PRKAR2A: variants seen among roughly 807,000 people sequenced by gnomAD.
PRKAR2A encodes the protein cAMP-dependent protein kinase type II-alpha regulatory subunit.
Under a neutral mutation model 51.9 loss-of-function variants are expected in PRKAR2A, and 29 were observed. The observed-to-expected ratio is 0.56, with a 90% CI of 0.42 to 0.76. PRKAR2A has a LOEUF of 0.76. Ranked by LOEUF, PRKAR2A falls within the 30% of genes least tolerant of loss-of-function variation. The pLI, the probability that PRKAR2A is intolerant of heterozygous loss-of-function variation, is 0.00. For missense variants in PRKAR2A, 445 were observed against 512.1 expected (o/e 0.87, Z 1.26); for synonymous variants, 178 against 186.2 (o/e 0.96, Z 0.36).
At chr3:48,822,087 C>A (rs933793252) in intron 1 of PRKAR2A, among the ~76,000 whole-genome samples, 1 of 151,072 alleles carries the variant, frequency 6.6e-6, no homozygotes, top group South Asian at 2.1e-4. Context: ...GGCGCATGCC[C>A]GTAATCCCAG....
chr3:48,819,007 C>CT lies in PRKAR2A; in HGVS notation c.263-11324dup, dbSNP rs900424792. ...CTGCCACGTATACCCTGTTCAAACA[C>CT]TTTTTTTTTTTTGAGACAGAGTTTC... On this transcript the variant is annotated intron_variant, in intron 1 of 10. Coordinates refer to ENST00000265563, the MANE Select transcript of PRKAR2A (RefSeq NM_004157.4). Among the ~76,000 whole-genome samples the CT allele has an allele frequency of 8.2e-3, 1,203 of 146,186 alleles. 7 individuals carry two copies. Among genetic ancestry groups the CT allele is most frequent in the Non-Finnish European group, 0.012 (813 of 66,028 alleles).
chr3:48,794,822 G>A (rs1229194289), intron 2 of PRKAR2A, among the ~76,000 whole-genome samples: 5 of 152,102 alleles, frequency 3.3e-5, no homozygotes, highest in African/African-American at 9.7e-5. Flanking sequence ...AGCTAAGAAT[G>A]GAGGGAAAAT....
intron 1 of PRKAR2A, among the ~76,000 whole-genome samples, chr3:48,837,310 TAAG>T (rs1020983569): frequency 1.9e-4 from 29 of 152,054 alleles, no homozygotes; most frequent in African/African-American, 6.5e-4. Context: ...TCTTAAAAAA[TAAG>T]AAGAAATGCA....
intron 1 of PRKAR2A, among the ~76,000 whole-genome samples, chr3:48,845,764 C>T (rs1194526610): frequency 6.6e-6 from 1 of 152,072 alleles, no homozygotes; most frequent in Admixed American, 6.6e-5. Flanking sequence ...CTGGGCAACA[C>T]AGGGAGACCC....
Position 48,790,610 on chromosome 3 carries a change from A to G in PRKAR2A, c.369T>C (p.Thr123=). 1 of 1,493,216 alleles carries G rather than the reference A, an allele frequency of 6.7e-7. No homozygotes were observed. The highest frequency in any genetic ancestry group is 1.4e-5 in the South Asian group (1 of 69,100). 92.5% of individuals were successfully genotyped at this position (1,493,216 alleles called of 1,614,324 possible). ...CCTGAAGTCTGCATCTCTGTTCATC[A>G]GTTTTAGGATGAATCACCTGCCAAT... ...DTDPRVIHPK[T]DEQRCRLQEA... is the part of the protein sequence containing the mutation. The change falls in exon 4 of 11, where the codon ACT becomes ACC. Residue 123 remains threonine (T), a synonymous_variant. Transcript: ENST00000265563.
chr3:48,815,082 T>A (rs1045871651), intron 1 of PRKAR2A, among the ~76,000 whole-genome samples: 1 of 151,884 alleles, frequency 6.6e-6, no homozygotes, highest in African/African-American at 2.4e-5. Flanking sequence ...CCTGGCTAAT[T>A]TTTGTATTTT....
At chr3:48,745,379 A>G (rs1046272266), downstream of PRKAR2A, among the ~76,000 whole-genome samples, 3 of 152,100 alleles carry the variant, frequency 2.0e-5, no homozygotes, top group African/African-American at 7.2e-5. Flanking sequence ...CAAGGGATAT[A>G]CAGGATACCC....
rs199753996 is a variant in PRKAR2A, at chr3:48,779,780, A to AAAATAAAT, written c.542+3198_542+3205dup. On this transcript the variant is annotated intron_variant, in intron 5 of 10. Coordinates refer to ENST00000265563, the MANE Select transcript of PRKAR2A (RefSeq NM_004157.4). ...GAGCAACAGAGCAAGACTCCGTCTCAAAATAAATAAATAAATAAATAAATA... is the reference window on the plus strand; with the variant it reads ...GAGCAACAGAGCAAGACTCCGTCTCAAAATAAATAAATAAATAAATAAATAAATAAATA... 1.6e-3 allele frequency among the ~76,000 whole-genome samples: 224 copies of AAAATAAAT among 136,004 alleles called. 1 individual carries two copies. The highest frequency in any genetic ancestry group is 2.3e-3 in the Non-Finnish European group (149 of 64,702). The allele number at this position is 136,004 out of a possible 152,430, so 89.2% of individuals were successfully genotyped here.
Position 48,790,631 on chromosome 3 carries a change from C to A in PRKAR2A, c.352-4G>T, listed in dbSNP as rs372227280. On this transcript the variant is annotated splice_polypyrimidine_tract_variant and splice_region_variant and intron_variant, in intron 3 of 10. Coordinates refer to ENST00000265563, the MANE Select transcript of PRKAR2A (RefSeq NM_004157.4). ...CATCAGTTTTAGGATGAATCACCTG[C>A]CAATCCAAATAAAACCATGGAAACT... is the stretch of plus-strand genomic sequence containing the variant. The A allele has an allele frequency of 7.0e-7, 1 of 1,437,932 alleles. No homozygotes were observed. The highest frequency in any genetic ancestry group is 2.5e-5 in the Admixed American group (1 of 39,964). The allele number at this position is 1,437,932 out of a possible 1,614,324, so 89.1% of individuals were successfully genotyped here.
intron 1 of PRKAR2A, among the ~76,000 whole-genome samples, chr3:48,813,230 AC>A (rs1411236168): frequency 2.1e-5 from 3 of 140,922 alleles, no homozygotes; most frequent in Admixed American, 1.4e-4. Context: ...CCCTATCTCT[AC>A]CAAAAAAAAA....
intron 10 of PRKAR2A, 130 bp from the exon 11 acceptor site, chr3:48,751,848 G>T: frequency 1.8e-6 from 2 of 1,104,790 alleles, no homozygotes; most frequent in Non-Finnish European, 2.5e-6. Context: ...TGCAAAAAGG[G>T]ATGTTTCTAT....
chr3:48,786,786 A>AT (rs2082301170), intron 4 of PRKAR2A, among the ~76,000 whole-genome samples: 1 of 152,166 alleles, frequency 6.6e-6, no homozygotes, highest in African/African-American at 2.4e-5. Flanking sequence ...ATAAATTGGT[A>AT]TTTTTGAGCA....
At chr3:48,799,873 T>C (rs2107338276) in intron 2 of PRKAR2A, among the ~76,000 whole-genome samples, 1 of 152,292 alleles carries the variant, frequency 6.6e-6, no homozygotes, top group South Asian at 2.1e-4. Flanking sequence ...TTTGTTTTGT[T>C]TTTTGAGACA....
chr3:48,767,187 T>C lies in PRKAR2A; in HGVS notation c.697-1838A>G, dbSNP rs142760909. ...TACATATATACATTTTGTCAGAAAG[T>C]ATAATAATGGGCTGGGCGCAGTGGC... On this transcript the variant is annotated intron_variant, in intron 6 of 10. Transcript: ENST00000265563. 7.9e-3 allele frequency among the ~76,000 whole-genome samples: 1,200 copies of C among 152,290 alleles called. 11 individuals carry two copies. Among genetic ancestry groups the C allele is most frequent in the African/African-American group, 0.028 (1,144 of 41,562 alleles).
At chr3:48,814,094 A>T (rs2082829613) in intron 1 of PRKAR2A, among the ~76,000 whole-genome samples, 1 of 152,032 alleles carries the variant, frequency 6.6e-6, no homozygotes, top group African/African-American at 2.4e-5. Context: ...CTAAAAATAC[A>T]AATATTAGCT....
chr3:48,787,555 C>T (rs1182272456), intron 4 of PRKAR2A, among the ~76,000 whole-genome samples: 1 of 152,196 alleles, frequency 6.6e-6, no homozygotes, highest in Admixed American at 6.6e-5. Flanking sequence ...GACATAGAAA[C>T]TTTCCTTATA....
intron 1 of PRKAR2A, among the ~76,000 whole-genome samples, chr3:48,826,940 A>G (rs1328599263): frequency 6.6e-6 from 1 of 152,100 alleles, no homozygotes; most frequent in Non-Finnish European, 1.5e-5. Context: ...ATAAAGATAA[A>G]CATAGAAAAA....
intron 5 of PRKAR2A, among the ~76,000 whole-genome samples, chr3:48,781,936 G>A (rs2082203511): frequency 6.6e-6 from 1 of 152,100 alleles, no homozygotes; most frequent in South Asian, 2.1e-4. Flanking sequence ...ATGAGCCACC[G>A]CACCAGGCCT....
intron 1 of PRKAR2A, among the ~76,000 whole-genome samples, chr3:48,826,385 A>T (rs779987216): frequency 2.6e-5 from 4 of 152,224 alleles, no homozygotes; most frequent in Non-Finnish European, 5.9e-5. Flanking sequence ...AATTTGGGCC[A>T]GTGAAATGAA....
Sources: gnomAD v4.1 joint callset for allele counts (sites outside exome capture counted in the v4.1 genomes callset) on GRCh38, gnomAD v4.1.1 for gene constraint, MANE v1.5 for transcripts, NCBI Gene and HGNC (gene_info 2026-07-23, HGNC 2026-07-21) for gene names.